The following MED12L variants were observed in gnomAD, a reference collection of about 807,000 sequenced individuals.
MED12L encodes mediator complex subunit 12L.
In MED12L, 60 loss-of-function variants were observed where a neutral mutation model predicts 281.3. That is an observed-to-expected ratio of 0.21 (90% CI 0.17 to 0.26). The LOEUF is 0.26. Ranked by LOEUF, MED12L falls within the 10% of genes least tolerant of loss-of-function variation. The pLI is 1.00. For synonymous variants in MED12L, 974 were observed against 987.2 expected (o/e 0.99, Z 0.25); for missense variants, 2,146 against 2,680.9 (o/e 0.80, Z 4.41).
chr3:151,436,333 C>CATTG lies in MED12L; in HGVS notation c.*3532_*3535dup, dbSNP rs551560844. The CATTG allele has an allele frequency of 1.1e-4, 20 of 179,150 alleles. No homozygotes were observed. Among genetic ancestry groups the CATTG allele is most frequent in the South Asian group, 9.0e-4 (7 of 7,784 alleles). 11.1% of individuals were successfully genotyped at this position (179,150 alleles called of 1,614,324 possible). On this transcript the variant is annotated 3_prime_UTR_variant, in exon 45 of 45. Transcript: ENST00000687756. ...TCTGTTCTGAGTGCCATGCTTGTAA[C>CATTG]ATTGATAGGAGGTGGACACTAGGCA...
chr3:151,294,712 G>A (rs1294436326), intron 16 of MED12L: 2 of 1,614,098 alleles, frequency 1.2e-6, no homozygotes, highest in African/African-American at 1.3e-5. Context: ...CATTTGTTAG[G>A]ATGATGTTTG....
chr3:151,373,899 A>G (rs1410145693), intron 27 of MED12L, among the ~76,000 whole-genome samples: 2 of 152,166 alleles, frequency 1.3e-5, no homozygotes, highest in Non-Finnish European at 2.9e-5. Context: ...TCTGGGTATT[A>G]TGTATGCTCA....
At chr3:151,288,946 C>G (rs1743906567) in intron 16 of MED12L, among the ~76,000 whole-genome samples, 1 of 152,218 alleles carries the variant, frequency 6.6e-6, no homozygotes, top group South Asian at 2.1e-4. Flanking sequence ...ATCTGGTATT[C>G]AGTTCATGCA....
In MED12L at chr3:151,242,143, A is replaced by T. The variant is rs1056096361; in HGVS notation, c.2250+48477A>T. ...GTCCTACGCCCATGGAGTCTCGCTG[A>T]TTGCTAGCACAGCAGTCTGAGATCA... On this transcript the variant is annotated intron_variant, in intron 16 of 44. Transcript: ENST00000687756. Among the ~76,000 whole-genome samples, 40 of 152,260 alleles carry T rather than the reference A, an allele frequency of 2.6e-4. 1 individual carries two copies. Among genetic ancestry groups the T allele is most frequent in the African/African-American group, 8.4e-4 (35 of 41,558 alleles).
intron 16 of MED12L, among the ~76,000 whole-genome samples, chr3:151,216,204 A>G (rs1382420999): frequency 1.3e-5 from 2 of 152,238 alleles, no homozygotes; most frequent in Non-Finnish European, 2.9e-5. Flanking sequence ...TATTTGTGAA[A>G]TAAATGAATA....
intron 12 of MED12L, among the ~76,000 whole-genome samples, chr3:151,186,751 G>T (rs113989382): frequency 6.7e-6 from 1 of 149,914 alleles, no homozygotes; most frequent in Admixed American, 6.6e-5. Context: ...TCTTTCTCAC[G>T]TCACTGTTTT....
At chr3:151,193,469 C>A (rs1278878165) in intron 15 of MED12L, 21 bp from the exon 16 acceptor site, 1 of 1,600,276 alleles carries the variant, frequency 6.2e-7, no homozygotes, top group Non-Finnish European at 8.5e-7. Context: ...CAATCTCCAA[C>A]ATTTGTTTTA....
At position 151,086,787 on chromosome 3, in the gene MED12L, C is replaced by A; in HGVS notation, c.-129-11C>A. The stretch of plus-strand genomic sequence containing the variant: ...GCAGCATCCAACCTGCTTTATTCCT[C>A]CTGCCTGCAGCGCCACAGCGAGCGA... On this transcript the variant is annotated splice_polypyrimidine_tract_variant and intron_variant, in intron 1 of 44. Coordinates refer to ENST00000687756, the MANE Select transcript of MED12L (RefSeq NM_001393769.1). The A allele has an allele frequency of 1.5e-6, 1 of 651,462 alleles. No individual in the cohort carries two copies. The highest frequency in any genetic ancestry group is 2.6e-6 in the Non-Finnish European group (1 of 379,202). 40.4% of individuals were successfully genotyped at this position (651,462 alleles called of 1,614,324 possible). A position where few individuals can be genotyped will look rare whatever the true frequency, so the allele number is the denominator to read the frequency against.
At position 151,380,173 on chromosome 3, in the gene MED12L, A is replaced by G. The variant is rs751276661; in HGVS notation, c.4539A>G (p.Gln1513=). Residue 1513 remains glutamine, a synonymous_variant, in exon 32 of 45, where the codon CAA becomes CAG. Transcript: ENST00000687756. ...TGGTACTTACCTGCCTTAAGGGACA[A>G]GATGAACAAAGGGAAGGCCTCCTAA... ...LSLVLTCLKG[Q]DEQREGLLTS... is the part of the protein sequence containing the mutation. 1.9e-6 allele frequency: 3 copies of G among 1,610,788 alleles called. No homozygotes were observed. In the Admixed American group the frequency reaches 5.1e-5, roughly 27 times the overall value.
At chr3:151,309,040 A>G (rs1319967746) in intron 16 of MED12L, among the ~76,000 whole-genome samples, 1 of 152,036 alleles carries the variant, frequency 6.6e-6, no homozygotes, top group Non-Finnish European at 1.5e-5. Flanking sequence ...CTTCTCATGA[A>G]TACAAATAAA....
intron 16 of MED12L, among the ~76,000 whole-genome samples, chr3:151,344,985 T>C (rs1752351815): frequency 6.6e-6 from 1 of 152,218 alleles, no homozygotes; most frequent in Non-Finnish European, 1.5e-5. Context: ...CCTCAATTCC[T>C]TTAACTCCAT....
chr3:151,256,921 T>A (rs1398474251), intron 16 of MED12L, among the ~76,000 whole-genome samples: 2 of 151,922 alleles, frequency 1.3e-5, no homozygotes, highest in Non-Finnish European at 2.9e-5. Flanking sequence ...AAATAATCTC[T>A]TGCCATTTGC....
rs113068778 is a variant in MED12L, at chr3:151,293,106, G to A, written c.2251-56953G>A. The stretch of plus-strand genomic sequence containing the variant: ...ATTAACCTCTCTGCTAAACCTGACT[G>A]ACTTAGATAGAGTAAGACACTAGAC... On this transcript the variant is annotated intron_variant, in intron 16 of 44. Transcript: ENST00000687756. Among the ~76,000 whole-genome samples, 976 of 152,188 alleles carry A rather than the reference G, an allele frequency of 6.4e-3. 8 individuals carry two copies. The highest frequency in any genetic ancestry group is 0.013 in the South Asian group (61 of 4,830).
At chr3:151,197,387 C>T (rs970166259) in intron 16 of MED12L, among the ~76,000 whole-genome samples, 1 of 152,096 alleles carries the variant, frequency 6.6e-6, no homozygotes, top group African/African-American at 2.4e-5. Flanking sequence ...TAATCTCTAA[C>T]CCTTGACCTG....
chr3:151,238,038 A>G lies in MED12L; in HGVS notation c.2250+44372A>G, dbSNP rs570042247. On this transcript the variant is annotated intron_variant, in intron 16 of 44. Transcript: ENST00000687756. Reference sequence around the variant, plus strand: ...ATATTTCAAGAAGCAAAATTTACCAATTTTAAGGATCAAATTATCGTTTTT... The same window carrying G: ...ATATTTCAAGAAGCAAAATTTACCAGTTTTAAGGATCAAATTATCGTTTTT... Among the ~76,000 whole-genome samples, 25 of 152,314 alleles carry G rather than the reference A, an allele frequency of 1.6e-4. No homozygotes were observed. In the South Asian group the frequency reaches 5.0e-3, roughly 30 times the overall value.
chr3:151,282,734 C>T (rs907228995), intron 16 of MED12L, among the ~76,000 whole-genome samples: 11 of 152,090 alleles, frequency 7.2e-5, no homozygotes, highest in Non-Finnish European at 1.6e-4. Context: ...GGTGGAGGAG[C>T]GCGTAATGTC....
rs553753060 is a variant in MED12L at position 151,295,620 on chromosome 3, C to T, written c.2251-54439C>T. Reference sequence around the variant, plus strand: ...CACATGGTTATTGTTTCAGTGTAGTCTTTGGCACCCTCTTTGAATATATCT... The same window carrying T: ...CACATGGTTATTGTTTCAGTGTAGTTTTTGGCACCCTCTTTGAATATATCT... On this transcript the variant is annotated intron_variant, in intron 16 of 44. Transcript: ENST00000687756. Among the ~76,000 whole-genome samples, 57 of 152,208 alleles carry T rather than the reference C, an allele frequency of 3.7e-4. 1 individual carries two copies. Among genetic ancestry groups the T allele is most frequent in the South Asian group, 2.5e-3 (12 of 4,822 alleles).
chr3:151,340,167 T>C (rs1250917575), intron 16 of MED12L, among the ~76,000 whole-genome samples: 2 of 152,136 alleles, frequency 1.3e-5, no homozygotes, highest in Admixed American at 6.6e-5. Flanking sequence ...CAATACAAGA[T>C]CACTGATTTT....
chr3:151,123,654 T>G (rs1209563205), intron 4 of MED12L, among the ~76,000 whole-genome samples: 2 of 152,210 alleles, frequency 1.3e-5, no homozygotes, highest in Non-Finnish European at 2.9e-5. Flanking sequence ...TGATCTCTGA[T>G]TTCTTGCACA....
Sources: gnomAD v4.1 joint callset for allele counts (sites outside exome capture counted in the v4.1 genomes callset) on GRCh38, gnomAD v4.1.1 for gene constraint, MANE v1.5 for transcripts, NCBI Gene and HGNC (gene_info 2026-07-23, HGNC 2026-07-21) for gene names.